The following FOXN3 variants were observed in gnomAD, a reference collection of about 807,000 sequenced individuals.
The protein encoded by FOXN3 is forkhead box N3.
In FOXN3, 7 loss-of-function variants were observed where a neutral mutation model predicts 38.4. That is an observed-to-expected ratio of 0.18 (90% confidence interval 0.10 to 0.34). FOXN3 has a LOEUF of 0.34. Ranked by LOEUF, FOXN3 falls within the 10% of genes least tolerant of loss-of-function variation. FOXN3 has a pLI of 1.00. For synonymous variants in FOXN3, 230 were observed against 242.2 expected (o/e 0.95, Z 0.47); for missense variants, 456 against 613.4 (o/e 0.74, Z 2.71).
intron 1 of FOXN3, among the ~76,000 whole-genome samples, chr14:89,505,319 T>TGCCGA (rs964552639): frequency 7.3e-6 from 1 of 136,742 alleles, no homozygotes; most frequent in Non-Finnish European, 1.6e-5. Flanking sequence ...CTCCCTCTGA[T>TGCCGA]GCCGAGCCGA....
At chr14:89,209,332 T>C (rs990114813) in intron 4 of FOXN3, among the ~76,000 whole-genome samples, 10 of 152,230 alleles carry the variant, frequency 6.6e-5, no homozygotes, top group African/African-American at 2.4e-4. Flanking sequence ...TCAATAACCC[T>C]GACGAATGGC....
chr14:89,258,310 G>A (rs1885689914), intron 4 of FOXN3, among the ~76,000 whole-genome samples: 1 of 152,218 alleles, frequency 6.6e-6, no homozygotes, highest in Admixed American at 6.5e-5. Context: ...AGGAGAAAAG[G>A]AAAGGGGAAA....
chr14:89,529,225 G>C (rs1894501952), intron 1 of FOXN3, among the ~76,000 whole-genome samples: 1 of 151,994 alleles, frequency 6.6e-6, no homozygotes. Flanking sequence ...ATTCGTGTTT[G>C]TGTGTGTGTC....
intron 1 of FOXN3, among the ~76,000 whole-genome samples, chr14:89,502,721 G>A (rs1251356824): frequency 6.6e-6 from 1 of 152,092 alleles, no homozygotes; most frequent in African/African-American, 2.4e-5. Flanking sequence ...AATAAGTGTC[G>A]GGGGGAAAGA....
At chr14:89,491,750 C>T (rs964169872) in intron 1 of FOXN3, among the ~76,000 whole-genome samples, 3 of 152,174 alleles carry the variant, frequency 2.0e-5, no homozygotes, top group African/African-American at 7.2e-5. Flanking sequence ...TACCTTCATG[C>T]TTCTCTTAGT....
At chr14:89,256,904 C>G (rs547791272) in intron 4 of FOXN3, among the ~76,000 whole-genome samples, 1 of 152,322 alleles carries the variant, frequency 6.6e-6, no homozygotes, top group South Asian at 2.1e-4. Flanking sequence ...GGTGAGACCT[C>G]TGCAAGTCTA....
At chr14:89,610,340 C>T (rs925688167) in intron 1 of FOXN3, among the ~76,000 whole-genome samples, 1 of 152,178 alleles carries the variant, frequency 6.6e-6, no homozygotes, top group African/African-American at 2.4e-5. Context: ...ATCAACACGC[C>T]CTGAGAGCAG....
At chr14:89,320,623 G>GGT (rs1887868795) in intron 3 of FOXN3, among the ~76,000 whole-genome samples, 1 of 152,102 alleles carries the variant, frequency 6.6e-6, no homozygotes, top group Non-Finnish European at 1.5e-5. Flanking sequence ...ACCCCTCATG[G>GGT]GTCTCCTCAT....
chr14:89,384,497 C>A (rs1890740315), intron 2 of FOXN3, among the ~76,000 whole-genome samples: 1 of 152,164 alleles, frequency 6.6e-6, no homozygotes, highest in Admixed American at 6.5e-5. Flanking sequence ...TAAAAAACAA[C>A]TAATGACTTT....
At chr14:89,187,851 G>C (rs1390217718) in intron 4 of FOXN3, among the ~76,000 whole-genome samples, 1 of 152,096 alleles carries the variant, frequency 6.6e-6, no homozygotes, top group African/African-American at 2.4e-5. Flanking sequence ...CCAATCCTTG[G>C]GGTCCTTACA....
At chr14:89,265,364 G>A (rs1409603517) in intron 4 of FOXN3, among the ~76,000 whole-genome samples, 11 of 152,148 alleles carry the variant, frequency 7.2e-5, no homozygotes, top group Admixed American at 2.0e-4. Context: ...CTGTTCACAG[G>A]TGGCTGCCGG....
intron 1 of FOXN3, among the ~76,000 whole-genome samples, chr14:89,475,368 C>T (rs1324731612): frequency 6.6e-6 from 1 of 152,140 alleles, no homozygotes; most frequent in Non-Finnish European, 1.5e-5. Context: ...AATAGTAGGT[C>T]ATCACTGCTA....
rs531341902 is a variant in FOXN3 at position 89,187,996 on chromosome 14, G to A, written c.746-7190C>T. 2.6e-5 allele frequency among the ~76,000 whole-genome samples: 4 copies of A among 152,272 alleles called. No individual in the cohort carries two copies. In the South Asian group the frequency reaches 8.3e-4, roughly 32 times the overall value. On this transcript the variant is annotated intron_variant, in intron 4 of 5. Coordinates refer to ENST00000557258, the MANE Select transcript of FOXN3 (RefSeq NM_005197.4). ...TCACATTTACTTCTCTGTTATTCCTGTCCATGAGCGTCTCCTTCTGTGACC... is the reference window on the plus strand; with the variant it reads ...TCACATTTACTTCTCTGTTATTCCTATCCATGAGCGTCTCCTTCTGTGACC...
At chr14:89,346,564 G>A (rs1888764514) in intron 3 of FOXN3, among the ~76,000 whole-genome samples, 1 of 152,164 alleles carries the variant, frequency 6.6e-6, no homozygotes, top group Admixed American at 6.5e-5. Flanking sequence ...CAAAGCTGAA[G>A]TGCCAAATTT....
intron 3 of FOXN3, among the ~76,000 whole-genome samples, chr14:89,293,100 T>C (rs1886927331): frequency 6.6e-6 from 1 of 152,152 alleles, no homozygotes; most frequent in African/African-American, 2.4e-5. Flanking sequence ...CCTAGGAGAG[T>C]TTGTGGAAAG....
At chr14:89,561,462 T>C (rs894310990) in intron 1 of FOXN3, among the ~76,000 whole-genome samples, 1 of 152,234 alleles carries the variant, frequency 6.6e-6, no homozygotes, top group Non-Finnish European at 1.5e-5. Context: ...TCCACCTGCC[T>C]TGGCCTCCCA....
intron 1 of FOXN3, among the ~76,000 whole-genome samples, chr14:89,506,247 C>T (rs1355929274): frequency 6.6e-5 from 4 of 60,942 alleles, no homozygotes; most frequent in African/African-American, 1.2e-4. Flanking sequence ...CCCCTCTGCT[C>T]GGCCAGCCGC....
chr14:89,163,086 A>T lies in FOXN3; in HGVS notation c.852-117T>A. 1.0e-6 allele frequency: 1 copy of T among 977,638 alleles called. No individual in the cohort carries two copies. The highest frequency in any genetic ancestry group is 2.2e-5 in the South Asian group (1 of 45,174). 60.6% of individuals were successfully genotyped at this position (977,638 alleles called of 1,614,324 possible). On this transcript the variant is annotated intron_variant, in intron 5 of 5. Transcript: ENST00000557258. The surrounding 1 kb of genome is among the most constrained non-coding windows in gnomAD (Gnocchi z 4.3). Reference sequence around the variant, plus strand: ...TTCAACCATCAGTCCCTTTGTGTTCAATGGAGCCACTCGCAAACTGTGGGG... The same window carrying T: ...TTCAACCATCAGTCCCTTTGTGTTCTATGGAGCCACTCGCAAACTGTGGGG...
At chr14:89,229,392 C>T (rs1214722716) in intron 4 of FOXN3, among the ~76,000 whole-genome samples, 1 of 152,094 alleles carries the variant, frequency 6.6e-6, no homozygotes, top group Non-Finnish European at 1.5e-5. Flanking sequence ...CCACTCTGAC[C>T]ACGGGATTAA....
Sources: allele counts gnomAD v4.1 joint callset (sites outside exome capture counted in the v4.1 genomes callset), GRCh38; gene constraint gnomAD v4.1.1; non-coding constraint Gnocchi (gnomAD v3.1); transcripts MANE v1.5; gene names NCBI Gene and HGNC (gene_info 2026-07-23, HGNC 2026-07-21).